The following MAN1A2 variants were observed in gnomAD, a reference collection of about 807,000 sequenced individuals.
MAN1A2 encodes the protein mannosidase alpha class 1A member 2, also known as mannosyl-oligosaccharide 1,2-alpha-mannosidase IB.
Under a neutral mutation model 75.7 loss-of-function variants are expected in MAN1A2, and 26 were observed. The ratio of observed to expected loss-of-function variants is 0.34; its 90% CI spans 0.25 to 0.48. The LOEUF (loss-of-function observed/expected upper bound fraction) is 0.48. Ranked by LOEUF, MAN1A2 falls within the 20% of genes least tolerant of loss-of-function variation. The probability of loss-of-function intolerance (pLI) is 0.99; values close to 1 mark genes in which losing one functional copy is unlikely to be tolerated. For missense variants in MAN1A2, 562 were observed against 775.5 expected, an observed-to-expected ratio of 0.72 and a Z score of 3.27; for synonymous variants, 247 against 264.6, an observed-to-expected ratio of 0.93 and a Z score of 0.65.
intron 1 of MAN1A2, among the ~76,000 whole-genome samples, chr1:117,381,706 T>C (rs1653344675): frequency 6.6e-6 from 1 of 151,856 alleles, no homozygotes; most frequent in Admixed American, 6.6e-5. Context: ...TACCCAGTAA[T>C]GGGATGGCTG....
intron 1 of MAN1A2, among the ~76,000 whole-genome samples, chr1:117,384,504 T>C (rs936873315): frequency 6.6e-6 from 1 of 152,162 alleles, no homozygotes; most frequent in African/African-American, 2.4e-5. Context: ...TTGAGACTTA[T>C]TTTGTGGCTC....
At chr1:117,438,038 A>C (rs1198786812) in intron 5 of MAN1A2, among the ~76,000 whole-genome samples, 2 of 152,208 alleles carry the variant, frequency 1.3e-5, no homozygotes, top group Non-Finnish European at 2.9e-5. Flanking sequence ...AATAGGCAAT[A>C]AATAAATAAG....
chr1:117,516,395 A>G (rs535365797), intron 12 of MAN1A2, among the ~76,000 whole-genome samples: 16 of 152,170 alleles, frequency 1.1e-4, no homozygotes, highest in Non-Finnish European at 2.1e-4. Flanking sequence ...AAGAATCAGA[A>G]AGGATTTCTA....
At chr1:117,490,916 C>G (rs1650860032) in intron 8 of MAN1A2, among the ~76,000 whole-genome samples, 1 of 151,996 alleles carries the variant, frequency 6.6e-6, no homozygotes, top group Admixed American at 6.6e-5. Flanking sequence ...AAAGCATCAT[C>G]CAGAGCAAGG....
chr1:117,417,557 A>ATGTGTG (rs1553232797), intron 4 of MAN1A2, among the ~76,000 whole-genome samples: 2 of 140,742 alleles, frequency 1.4e-5, no homozygotes, highest in African/African-American at 2.6e-5. Flanking sequence ...ATATATATAT[A>ATGTGTG]TGTGATATAT....
rs1349420909 is a variant in MAN1A2, at chr1:117,405,797, G to A, written c.655+152G>A. ...ATGATTTTTTGCAAGTGTCAGTCAC[G>A]ATTAAGTTCCAGTTGCTTTGGAGTA... is the stretch of plus-strand genomic sequence containing the variant. On this transcript the variant is annotated intron_variant, in intron 3 of 12. Transcript: ENST00000356554. 14 of 656,630 alleles carry A rather than the reference G, an allele frequency of 2.1e-5. No homozygotes were observed. The South Asian group carries it at 2.1e-4, about 10-fold the overall frequency. 40.7% of individuals were successfully genotyped at this position (656,630 alleles called of 1,614,324 possible).
intron 1 of MAN1A2, among the ~76,000 whole-genome samples, chr1:117,370,813 A>T (rs1652937031): frequency 6.6e-6 from 1 of 151,638 alleles, no homozygotes; most frequent in Non-Finnish European, 1.5e-5. Context: ...TTAACTAATA[A>T]GTAATGGAAA....
At chr1:117,425,581 A>G (rs954014243) in intron 5 of MAN1A2, among the ~76,000 whole-genome samples, 1 of 152,222 alleles carries the variant, frequency 6.6e-6, no homozygotes, top group African/African-American at 2.4e-5. Flanking sequence ...CACTATGTCA[A>G]CAGACTAAAG....
In MAN1A2 at chr1:117,522,806, C is replaced by T. The variant is rs768054427; in HGVS notation, c.1794-19C>T. The stretch of plus-strand genomic sequence containing the variant: ...GTTGAATTCTAACTGAAGCTCATTT[C>T]TCCCCTTTTTATTTTCAGATATTTG... On this transcript the variant is annotated intron_variant, in intron 12 of 12. Transcript: ENST00000356554. The T allele has an allele frequency of 2.5e-6, 4 of 1,607,162 alleles. No homozygotes were observed. The highest frequency in any genetic ancestry group is 1.3e-5 in the African/African-American group (1 of 74,542).
At chr1:117,368,716 TCTC>T (rs1204277001) in intron 1 of MAN1A2, among the ~76,000 whole-genome samples, 1 of 152,090 alleles carries the variant, frequency 6.6e-6, no homozygotes, top group Non-Finnish European at 1.5e-5. Flanking sequence ...AAGTCGTTCT[TCTC>T]TTCGGTTTTA....
intron 1 of MAN1A2, among the ~76,000 whole-genome samples, chr1:117,397,682 C>CTTTTTTTTTTTTTT (rs1647227838): frequency 1.8e-5 from 2 of 109,292 alleles, no homozygotes; most frequent in African/African-American, 7.0e-5. Flanking sequence ...CGTAGTTTCG[C>CTTTTTTTTTTTTTT]TTTTGTTGGC....
rs761749398 is a variant in MAN1A2 at position 117,420,545 on chromosome 1, A to G, written c.775-24A>G. ...ACTATAAAGCATTACGTATTTGTGA[A>G]TGTTTTCAATATGTTTTTCACAGAA... On this transcript the variant is annotated intron_variant, in intron 4 of 12. Transcript: ENST00000356554. 10 of 1,527,432 alleles carry G rather than the reference A, an allele frequency of 6.5e-6. No individual in the cohort carries two copies. In the South Asian group the frequency reaches 1.1e-4, roughly 17 times the overall value. 94.6% of individuals were successfully genotyped at this position (1,527,432 alleles called of 1,614,324 possible).
intron 10 of MAN1A2, among the ~76,000 whole-genome samples, chr1:117,497,211 T>G (rs541342914): frequency 2.5e-4 from 38 of 152,108 alleles, no homozygotes; most frequent in African/African-American, 9.2e-4. Flanking sequence ...TTTGAAGTAA[T>G]TGTTTTAAAG....
chr1:117,485,481 T>C (rs1382227359), intron 8 of MAN1A2, among the ~76,000 whole-genome samples: 1 of 151,928 alleles, frequency 6.6e-6, no homozygotes, highest in Non-Finnish European at 1.5e-5. Flanking sequence ...GGACAAGATA[T>C]TTCAACAAAT....
intron 8 of MAN1A2, among the ~76,000 whole-genome samples, chr1:117,483,339 A>G (rs1650560768): frequency 6.6e-6 from 1 of 152,054 alleles, no homozygotes; most frequent in South Asian, 2.1e-4. Flanking sequence ...CAATATGGCC[A>G]TTTTCATGAT....
chr1:117,485,975 G>A (rs1023074784), intron 8 of MAN1A2, among the ~76,000 whole-genome samples: 1 of 151,954 alleles, frequency 6.6e-6, no homozygotes, highest in Non-Finnish European at 1.5e-5. Context: ...GGTCTACTCA[G>A]TGGAGGAACA....
chr1:117,431,751 C>T (rs894620321), intron 5 of MAN1A2, among the ~76,000 whole-genome samples: 1 of 152,128 alleles, frequency 6.6e-6, no homozygotes, highest in African/African-American at 2.4e-5. Flanking sequence ...GAGTTTAAGA[C>T]CAGCCTCGGC....
chr1:117,488,477 T>G (rs1441025034), intron 8 of MAN1A2, among the ~76,000 whole-genome samples: 1 of 152,096 alleles, frequency 6.6e-6, no homozygotes, highest in African/African-American at 2.4e-5. Flanking sequence ...ATTGCAGGCG[T>G]GAGCCACCAT....
chr1:117,502,219 G>A (rs1451239009), intron 11 of MAN1A2, among the ~76,000 whole-genome samples: 2 of 151,638 alleles, frequency 1.3e-5, no homozygotes, highest in Non-Finnish European at 3.0e-5. Flanking sequence ...TGTATTTAAA[G>A]CTCTTAGAAC....
Sources: gnomAD v4.1 joint callset for allele counts (sites outside exome capture counted in the v4.1 genomes callset) on GRCh38, gnomAD v4.1.1 for gene constraint, MANE v1.5 for transcripts, NCBI Gene and HGNC (gene_info 2026-07-23, HGNC 2026-07-21) for gene names.